Variants in GNAO1 observed in about 807,000 individuals in gnomAD.
GNAO1 encodes guanine nucleotide-binding protein G(o) subunit alpha.
For missense variants in GNAO1, 166 were observed against 478.7 expected, an observed-to-expected ratio of 0.35 and a Z score of 6.10; for synonymous variants, 164 against 180.7, an observed-to-expected ratio of 0.91 and a Z score of 0.74.
chr16:56,326,808 C>T lies in GNAO1; in HGVS notation c.304-1823C>T, dbSNP rs1188938144. ...ACCTGCTCTGCTCTCACCTACTCTG[C>T]GTTGGACATTAAAGGCTGTGGCTGC... is the stretch of plus-strand genomic sequence containing the variant. On this transcript the variant is annotated intron_variant, in intron 3 of 8. Transcript: ENST00000262493. This position sits in a 1 kb window ranked among gnomAD's most constrained non-coding sequence, Gnocchi z 4.8. 6.6e-6 allele frequency among the ~76,000 whole-genome samples: 1 copy of T among 152,226 alleles called. No homozygotes were observed. The highest frequency in any genetic ancestry group is 2.4e-5 in the African/African-American group (1 of 41,458).
At chr16:56,342,832 G>C (rs1201781451) in intron 6 of GNAO1, among the ~76,000 whole-genome samples, 2 of 152,212 alleles carry the variant, frequency 1.3e-5, no homozygotes, top group African/African-American at 4.8e-5. Context: ...TCCATAAATG[G>C]CTGGGCATGG....
chr16:56,316,769 G>A (rs2037515102), intron 3 of GNAO1, among the ~76,000 whole-genome samples: 1 of 152,206 alleles, frequency 6.6e-6, no homozygotes, highest in Non-Finnish European at 1.5e-5. Flanking sequence ...GTTCCTGCTG[G>A]CAGTTCTGTC....
chr16:56,258,787 C>T (rs1330877000), intron 2 of GNAO1, among the ~76,000 whole-genome samples: 1 of 152,216 alleles, frequency 6.6e-6, no homozygotes, highest in Non-Finnish European at 1.5e-5. Flanking sequence ...TTTCCTGCAG[C>T]TCCTCTGGGA....
At chr16:56,283,196 C>T (rs1334285481) in intron 3 of GNAO1, among the ~76,000 whole-genome samples, 1 of 152,200 alleles carries the variant, frequency 6.6e-6, no homozygotes, top group African/African-American at 2.4e-5. Flanking sequence ...TCAAGGCTAC[C>T]TAGGTGCCTG....
At chr16:56,265,655 T>C (rs2036944509) in intron 2 of GNAO1, among the ~76,000 whole-genome samples, 1 of 152,144 alleles carries the variant, frequency 6.6e-6, no homozygotes, top group Non-Finnish European at 1.5e-5. Flanking sequence ...CTATAAGTGT[T>C]CCAAGAACAG....
intron 6 of GNAO1, among the ~76,000 whole-genome samples, chr16:56,342,402 C>A (rs2037814869): frequency 6.6e-6 from 1 of 152,212 alleles, no homozygotes; most frequent in South Asian, 2.1e-4. Flanking sequence ...TCCCTGCTGC[C>A]CCCTCCACAG....
chr16:56,331,756 C>T (rs2037690902), intron 4 of GNAO1, among the ~76,000 whole-genome samples: 1 of 152,182 alleles, frequency 6.6e-6, no homozygotes, highest in African/African-American at 2.4e-5. Flanking sequence ...TCGTTTTAAA[C>T]ACCTTGTACA....
rs192961917 is a variant in GNAO1 at position 56,234,507 on chromosome 16, G to T, written c.162-41424G>T. ...ATTCAGCCAGGCCTGCAGTTCCTCA[G>T]CCTTGCCCATGAGGCTCTAATAGCC... On this transcript the variant is annotated intron_variant, in intron 2 of 8. Coordinates refer to ENST00000262493, the MANE Select transcript of GNAO1 (RefSeq NM_020988.3). 2.6e-5 allele frequency among the ~76,000 whole-genome samples: 4 copies of T among 152,358 alleles called. No individual in the cohort carries two copies. In the East Asian group the frequency reaches 7.7e-4, roughly 29 times the overall value.
At chr16:56,289,153 TAGC>T (rs1273988969) in intron 3 of GNAO1, among the ~76,000 whole-genome samples, 1 of 152,206 alleles carries the variant, frequency 6.6e-6, no homozygotes, top group Non-Finnish European at 1.5e-5. Flanking sequence ...GCTGGGCTGT[TAGC>T]AGCAAAAGCA....
At chr16:56,206,354 T>C (rs1376855464) in intron 2 of GNAO1, among the ~76,000 whole-genome samples, 1 of 149,780 alleles carries the variant, frequency 6.7e-6, no homozygotes, top group East Asian at 1.9e-4. Context: ...AAGAGGCAGT[T>C]AGGAGCCAAT....
At chr16:56,269,494 A>T (rs143462525) in intron 2 of GNAO1, among the ~76,000 whole-genome samples, 1 of 152,064 alleles carries the variant, frequency 6.6e-6, no homozygotes, top group Admixed American at 6.5e-5. Context: ...TGTGCTGGGC[A>T]CTCTACATGG....
At chr16:56,283,197 T>G (rs1249677788) in intron 3 of GNAO1, among the ~76,000 whole-genome samples, 1 of 152,246 alleles carries the variant, frequency 6.6e-6, no homozygotes, top group East Asian at 1.9e-4. Context: ...CAAGGCTACC[T>G]AGGTGCCTGG....
intron 2 of GNAO1, among the ~76,000 whole-genome samples, chr16:56,264,260 GCCCCAGA>G (rs1271881737): frequency 6.6e-6 from 1 of 152,192 alleles, no homozygotes; most frequent in African/African-American, 2.4e-5. Flanking sequence ...AGGGCCAGGG[GCCCCAGA>G]CCAGCAATGC....
intron 2 of GNAO1, among the ~76,000 whole-genome samples, chr16:56,213,848 A>T (rs889179132): frequency 4.6e-5 from 7 of 152,154 alleles, no homozygotes; most frequent in Admixed American, 3.9e-4. Context: ...AAAAACTGGA[A>T]CAATGGGTGC....
intron 3 of GNAO1, among the ~76,000 whole-genome samples, chr16:56,310,041 G>A (rs2037438534): frequency 7.8e-6 from 1 of 128,066 alleles, no homozygotes; most frequent in African/African-American, 2.5e-5. Flanking sequence ...GTCAGATGCA[G>A]TGGCTTATAC....
intron 2 of GNAO1, among the ~76,000 whole-genome samples, chr16:56,206,020 A>G (rs2036324431): frequency 1.3e-5 from 2 of 152,102 alleles, no homozygotes. Context: ...GCACACAATG[A>G]GGTTAAAGAG....
intron 3 of GNAO1, among the ~76,000 whole-genome samples, chr16:56,308,866 G>A (rs926526498): frequency 1.4e-4 from 22 of 152,228 alleles, no homozygotes; most frequent in African/African-American, 4.8e-4. Flanking sequence ...GTGGCTTCAC[G>A]GGGAGGCCAG....
intron 2 of GNAO1, among the ~76,000 whole-genome samples, chr16:56,262,546 T>G (rs1054801987): frequency 9.8e-5 from 14 of 142,928 alleles, no homozygotes; most frequent in African/African-American, 3.5e-4. Context: ...AGGCAGGAAG[T>G]TTTTTTTTTT....
chr16:56,315,984 G>T (rs565030581), intron 3 of GNAO1, among the ~76,000 whole-genome samples: 3 of 152,000 alleles, frequency 2.0e-5, no homozygotes, highest in Non-Finnish European at 4.4e-5. Flanking sequence ...GCTTGAACCC[G>T]GGAGGCGGAG....
Sources: gnomAD v4.1 joint callset for allele counts (sites outside exome capture counted in the v4.1 genomes callset) on GRCh38, gnomAD v4.1.1 for gene constraint, Gnocchi (gnomAD v3.1) non-coding constraint, MANE v1.5 for transcripts, NCBI Gene and HGNC (gene_info 2026-07-23, HGNC 2026-07-21) for gene names.